DIP2C: variants seen among roughly 807,000 people sequenced by gnomAD.
DIP2C encodes disco-interacting protein 2 homolog C.
In DIP2C, 33 loss-of-function variants were observed where a neutral mutation model predicts 192.4. The observed-to-expected ratio is 0.17, with a 90% CI of 0.13 to 0.23. The LOEUF (loss-of-function observed/expected upper bound fraction) is 0.23. DIP2C is among the 10% of genes least tolerant of loss of function. DIP2C has a pLI of 1.00. For missense variants in DIP2C, 1,537 were observed against 2,110.1 expected (o/e 0.73, Z 5.32); for synonymous variants, 979 against 864.1 (o/e 1.13, Z -2.33).
intron 4 of DIP2C, among the ~76,000 whole-genome samples, chr10:431,453 AAATTATT>A (rs1966854870): frequency 6.6e-6 from 1 of 151,840 alleles, no homozygotes; most frequent in African/African-American, 2.4e-5. Flanking sequence ...ATTTTTTTTT[AAATTATT>A]ATTTTTAGTA....
At chr10:429,047 C>T (rs138934032) in intron 4 of DIP2C, among the ~76,000 whole-genome samples, 90 of 152,212 alleles carry the variant, frequency 5.9e-4, no homozygotes, top group Non-Finnish European at 1.1e-3. Flanking sequence ...ACTGAAACAT[C>T]ATTATCACCC....
Position 275,447 on chromosome 10 carries a change from GAC to G in DIP2C, c.*1876_*1877del, listed in dbSNP as rs1369462531. 2 of 148,474 alleles carry G rather than the reference GAC, an allele frequency of 1.3e-5. No homozygotes were observed. Among genetic ancestry groups the G allele is most frequent in the African/African-American group, 5.0e-5 (2 of 40,226 alleles). 9.2% of individuals were successfully genotyped at this position (148,474 alleles called of 1,614,324 possible). On this transcript the variant is annotated 3_prime_UTR_variant, in exon 37 of 37. Coordinates refer to ENST00000280886, the MANE Select transcript of DIP2C (RefSeq NM_014974.3). The stretch of plus-strand genomic sequence containing the variant: ...GATGGAAGGATGCACCACATATGCA[GAC>G]ACATTTTTTTAAATGTGCCACTTTT...
intron 1 of DIP2C, among the ~76,000 whole-genome samples, chr10:656,452 C>T (rs1311447897): frequency 6.6e-6 from 1 of 152,188 alleles, no homozygotes; most frequent in Non-Finnish European, 1.5e-5. Flanking sequence ...GCCAGTTATA[C>T]TTTCATAATC....
Position 363,997 on chromosome 10 carries a change from G to A in DIP2C, c.2477+377C>T, listed in dbSNP as rs944351651. ...AAAACTGGTAGAGCGGGGAGGTGGC[G>A]AGCGTCTGCACTCACACAAGTCTGT... is the stretch of plus-strand genomic sequence containing the variant. On this transcript the variant is annotated intron_variant, in intron 20 of 36. Transcript: ENST00000280886. The surrounding 1 kb of genome is among the most constrained non-coding windows in gnomAD (Gnocchi z 5.4). Among the ~76,000 whole-genome samples the A allele has an allele frequency of 1.5e-4, 23 of 152,196 alleles. No individual in the cohort carries two copies. The highest frequency in any genetic ancestry group is 2.6e-4 in the Admixed American group (4 of 15,280).
rs1461462026 is a variant in DIP2C at position 288,501 on chromosome 10, G to T, written c.3987-80C>A. ...TTCACCAATTCACACGAGGTCACGA[G>T]CCTGGCAGCTGTCCGGGAAAGCTGA... is the stretch of plus-strand genomic sequence containing the variant. On this transcript the variant is annotated intron_variant, in intron 32 of 36. Transcript: ENST00000280886. The T allele has an allele frequency of 4.1e-6, 6 of 1,464,516 alleles. No individual in the cohort carries two copies. In the East Asian group the frequency reaches 1.4e-4, roughly 33 times the overall value. 90.7% of individuals were successfully genotyped at this position (1,464,516 alleles called of 1,614,324 possible).
intron 1 of DIP2C, among the ~76,000 whole-genome samples, chr10:597,046 G>A (rs1361177920): frequency 1.3e-5 from 2 of 152,248 alleles, no homozygotes; most frequent in South Asian, 2.1e-4. Context: ...ACTGAGTGGA[G>A]ACTAAGTGGA....
At chr10:483,143 T>C (rs532700246) in intron 2 of DIP2C, among the ~76,000 whole-genome samples, 10 of 152,346 alleles carry the variant, frequency 6.6e-5, no homozygotes, top group African/African-American at 2.2e-4. Context: ...ACCCCCATTG[T>C]AGCTCGTAAT....
In DIP2C at chr10:414,017, G is replaced by C; in HGVS notation, c.953C>G (p.Pro318Arg). 1 of 1,614,108 alleles carries C rather than the reference G, an allele frequency of 6.2e-7. No individual in the cohort carries two copies. Among genetic ancestry groups the C allele is most frequent in the Non-Finnish European group, 8.5e-7 (1 of 1,180,002 alleles). Reference sequence around the variant, plus strand: ...CCTCTGCAGTGCGGCCTCCAGCGACGGCGGCCAGTTCGTGACCACGCCCAG... The same window carrying C: ...CCTCTGCAGTGCGGCCTCCAGCGACCGCGGCCAGTTCGTGACCACGCCCAG... ...EQLGVVTNWP[P>R]SLEAALQRWG... The change falls in exon 8 of 37, where the codon CCG (proline) becomes CGG (arginine). Residue 318 changes from proline (P) to arginine (R), a missense_variant. Physicochemically the swap from Pro to Arg is moderately radical, Grantham distance 103. This residue lies in a region of DIP2C where 473 missense variants were observed against 539.6 expected (regional missense o/e 0.88). Transcript: ENST00000280886.
intron 28 of DIP2C, among the ~76,000 whole-genome samples, chr10:344,558 G>C (rs192278876): frequency 1.3e-5 from 2 of 152,194 alleles, no homozygotes; most frequent in African/African-American, 2.4e-5. Flanking sequence ...AAAAACATTC[G>C]CAGTGTTCTA....
intron 22 of DIP2C, 34 bp from the exon 23 acceptor site, chr10:357,971 CAAAAG>C (rs1316274470): frequency 6.4e-7 from 1 of 1,557,116 alleles, no homozygotes; most frequent in African/African-American, 1.4e-5. Flanking sequence ...CATGAGGAAA[CAAAAG>C]AGAAATTCCT....
intron 22 of DIP2C, among the ~76,000 whole-genome samples, chr10:359,486 G>GC (rs1410009473): frequency 3.3e-5 from 5 of 152,184 alleles, no homozygotes; most frequent in Admixed American, 3.3e-4. Context: ...ACAGTAAGAT[G>GC]CCTCCTACAC....
intron 31 of DIP2C, among the ~76,000 whole-genome samples, chr10:323,623 T>C (rs1957127053): frequency 6.6e-6 from 1 of 152,220 alleles, no homozygotes; most frequent in Non-Finnish European, 1.5e-5. Flanking sequence ...GTGTTTTTGA[T>C]TTTTTACATC....
At chr10:485,881 CTAATA>C (rs1446684594) in intron 2 of DIP2C, among the ~76,000 whole-genome samples, 4 of 152,228 alleles carry the variant, frequency 2.6e-5, no homozygotes, top group South Asian at 4.1e-4. Context: ...GAATCCCCAT[CTAATA>C]TGAGATTCTT....
chr10:678,669 A>AT (rs202028766), intron 1 of DIP2C, among the ~76,000 whole-genome samples: 218 of 6,448 alleles, frequency 0.034, 78 homozygotes, highest in Middle Eastern at 0.25. Context: ...CCCTGTGCCC[A>AT]GCTCCCCACG....
At chr10:607,275 C>T (rs1336804563) in intron 1 of DIP2C, among the ~76,000 whole-genome samples, 6 of 152,220 alleles carry the variant, frequency 3.9e-5, no homozygotes, top group Non-Finnish European at 5.9e-5. Context: ...AACACAGGAA[C>T]GGTCCTCAGC....
rs530231623 is a variant in DIP2C, at chr10:414,224, G to T, written c.860-114C>A. The stretch of plus-strand genomic sequence containing the variant: ...TTATACTTAAGCTGTACATTTATTA[G>T]CTGACAGAAAAGCATGCTTTTCTAG... On this transcript the variant is annotated intron_variant, in intron 7 of 36. Coordinates refer to ENST00000280886, the MANE Select transcript of DIP2C (RefSeq NM_014974.3). 1.3e-4 allele frequency: 167 copies of T among 1,252,576 alleles called. 1 individual carries two copies. The South Asian group carries it at 2.0e-3, about 15-fold the overall frequency. The allele number at this position is 1,252,576 out of a possible 1,614,324, so 77.6% of individuals were successfully genotyped here.
chr10:440,300 C>G (rs967289981), intron 4 of DIP2C, among the ~76,000 whole-genome samples: 1 of 152,210 alleles, frequency 6.6e-6, no homozygotes, highest in African/African-American at 2.4e-5. Context: ...TATTGGTACA[C>G]AGCCATACCC....
intron 10 of DIP2C, among the ~76,000 whole-genome samples, chr10:394,001 G>C (rs1357672240): frequency 6.6e-6 from 1 of 152,162 alleles, no homozygotes; most frequent in Non-Finnish European, 1.5e-5. Flanking sequence ...AAATGGTATG[G>C]AGATTTCTCA....
chr10:418,951 C>T, intron 6 of DIP2C, 114 bp downstream of exon 6: 1 of 1,482,190 alleles, frequency 6.7e-7, no homozygotes, highest in Non-Finnish European at 9.1e-7. Context: ...GATAAATTGG[C>T]TTTGTCAGAA....
Sources: gnomAD v4.1 joint callset for allele counts (sites outside exome capture counted in the v4.1 genomes callset) on GRCh38, gnomAD v4.1.1 for gene constraint, gnomAD v4.1.1 regional missense constraint, Gnocchi (gnomAD v3.1) non-coding constraint, MANE v1.5 for transcripts, NCBI Gene and HGNC (gene_info 2026-07-23, HGNC 2026-07-21) for gene names.